The following PRKCA variants were observed in gnomAD, a reference collection of about 807,000 sequenced individuals.
PRKCA encodes protein kinase C alpha, also known as protein kinase C alpha type.
A neutral mutation model predicts 87.0 loss-of-function variants in PRKCA; 27 were observed. The observed-to-expected ratio is 0.31, with a 90% confidence interval of 0.23 to 0.43. The LOEUF is 0.43. Ranked by LOEUF, PRKCA falls within the 20% of genes least tolerant of loss-of-function variation. The pLI is 1.00. For synonymous variants in PRKCA, 329 were observed against 311.1 expected, an observed-to-expected ratio of 1.06 and a Z score of -0.61; for missense variants, 518 against 852.3, an observed-to-expected ratio of 0.61 and a Z score of 4.88.
At chr17:66,433,999 G>A (rs1326950511) in intron 2 of PRKCA, among the ~76,000 whole-genome samples, 1 of 152,066 alleles carries the variant, frequency 6.6e-6, no homozygotes, top group East Asian at 1.9e-4. Context: ...GAGCAGGTAG[G>A]GCGCACGGAG....
chr17:66,613,779 CTT>C (rs57610655), intron 3 of PRKCA, among the ~76,000 whole-genome samples: 1 of 69,384 alleles, frequency 1.4e-5, no homozygotes, highest in Non-Finnish European at 2.4e-5. Context: ...TGACTTCATC[CTT>C]TTTTTTTTTT....
chr17:66,740,371 A>C (rs1448559868), intron 11 of PRKCA, among the ~76,000 whole-genome samples: 1 of 152,106 alleles, frequency 6.6e-6, no homozygotes, highest in Non-Finnish European at 1.5e-5. Flanking sequence ...GCAAGCCTAA[A>C]CAAAGGGCGA....
At chr17:66,595,576 C>G (rs139339609) in intron 3 of PRKCA, among the ~76,000 whole-genome samples, 3 of 149,470 alleles carry the variant, frequency 2.0e-5, no homozygotes, top group African/African-American at 7.4e-5. Context: ...TCTCCTGCCT[C>G]AGCCTCCCAA....
chr17:66,545,395 C>T (rs1968119355), intron 3 of PRKCA, among the ~76,000 whole-genome samples: 3 of 152,196 alleles, frequency 2.0e-5, no homozygotes, highest in Admixed American at 1.3e-4. Context: ...TGCCACTGCA[C>T]TCCAGCCTGG....
chr17:66,786,009 T>C (rs1185508089), intron 14 of PRKCA, among the ~76,000 whole-genome samples: 4 of 152,192 alleles, frequency 2.6e-5, no homozygotes, highest in Non-Finnish European at 5.9e-5. Context: ...TTTGTATTTT[T>C]AGTAGAGACG....
chr17:66,577,299 C>A (rs1351371608), intron 3 of PRKCA, among the ~76,000 whole-genome samples: 1 of 152,184 alleles, frequency 6.6e-6, no homozygotes, highest in Non-Finnish European at 1.5e-5. Context: ...ATCTTTGCAT[C>A]CCTCTCTCAC....
rs966181293 is a variant in PRKCA at position 66,391,882 on chromosome 17, G to C, written c.205+85755G>C. 2.6e-5 allele frequency among the ~76,000 whole-genome samples: 4 copies of C among 152,192 alleles called. No homozygotes were observed. The South Asian group carries it at 8.3e-4, about 32-fold the overall frequency. The stretch of plus-strand genomic sequence containing the variant: ...TCCTCTTGCGCTAGATCATCGGAAA[G>C]TAGGCACCCCAACCCTAAATATTTC... On this transcript the variant is annotated intron_variant, in intron 2 of 16. Coordinates refer to ENST00000413366, the MANE Select transcript of PRKCA (RefSeq NM_002737.3).
chr17:66,318,896 A>G (rs1486187495), intron 2 of PRKCA, among the ~76,000 whole-genome samples: 4 of 152,020 alleles, frequency 2.6e-5, no homozygotes, highest in Non-Finnish European at 5.9e-5. Context: ...CTAAGTAGGC[A>G]GATTGCTTGA....
chr17:66,665,999 T>A (rs555779307), intron 5 of PRKCA, among the ~76,000 whole-genome samples: 44 of 152,272 alleles, frequency 2.9e-4, no homozygotes, highest in African/African-American at 1.0e-3. Context: ...CCAATTCCAA[T>A]GTAGTCCTGA....
rs578090615 is a variant in PRKCA, at chr17:66,806,536, G to T, written c.*2499G>T. The T allele has an allele frequency of 3.2e-4, 49 of 152,390 alleles. No individual in the cohort carries two copies. Among genetic ancestry groups the T allele is most frequent in the Admixed American group, 1.2e-3 (18 of 15,294 alleles). The allele number at this position is 152,390 out of a possible 1,614,324, so 9.4% of individuals were successfully genotyped here. ...TATAGAAAGAGCCTAGGAGACAAAA[G>T]GGCCAGTCCCCCTGCCCAGAATGGA... is the stretch of plus-strand genomic sequence containing the variant. On this transcript the variant is annotated 3_prime_UTR_variant, in exon 17 of 17. Transcript: ENST00000413366.
intron 2 of PRKCA, among the ~76,000 whole-genome samples, chr17:66,461,910 T>G (rs1413129075): frequency 6.6e-6 from 1 of 152,022 alleles, no homozygotes; most frequent in Non-Finnish European, 1.5e-5. Context: ...AGGAGGAGAC[T>G]GGGGTTCCTA....
At chr17:66,547,727 TA>T (rs1335436698) in intron 3 of PRKCA, among the ~76,000 whole-genome samples, 1 of 152,118 alleles carries the variant, frequency 6.6e-6, no homozygotes, top group Non-Finnish European at 1.5e-5. Context: ...CCAGATGCCT[TA>T]AAAAAATAGG....
At chr17:66,550,535 G>C (rs1034178210) in intron 3 of PRKCA, among the ~76,000 whole-genome samples, 1 of 152,120 alleles carries the variant, frequency 6.6e-6, no homozygotes, top group African/African-American at 2.4e-5. Flanking sequence ...TGTAGTCTCA[G>C]CTACTCGGGA....
At chr17:66,462,979 T>G (rs2143976189) in intron 2 of PRKCA, among the ~76,000 whole-genome samples, 1 of 151,190 alleles carries the variant, frequency 6.6e-6, no homozygotes, top group East Asian at 1.9e-4. Context: ...TATGAGTCAC[T>G]GACTGGCAAT....
At chr17:66,718,046 G>C (rs775022291) in intron 8 of PRKCA, among the ~76,000 whole-genome samples, 24 of 152,176 alleles carry the variant, frequency 1.6e-4, no homozygotes, top group Non-Finnish European at 3.2e-4. Flanking sequence ...TTGGGGGACT[G>C]ACTTACTAAG....
At position 66,584,057 on chromosome 17, in the gene PRKCA, G is replaced by A. The variant is rs1969523729; in HGVS notation, c.289-57298G>A. On this transcript the variant is annotated intron_variant, in intron 3 of 16. Coordinates refer to ENST00000413366, the MANE Select transcript of PRKCA (RefSeq NM_002737.3). ...AATCATCACGTTGGGACACAAATCC[G>A]AGTCCTGTCTGTCCTTTGCATTCTT... 2.0e-5 allele frequency among the ~76,000 whole-genome samples: 3 copies of A among 152,100 alleles called. No homozygotes were observed. The South Asian group carries it at 6.2e-4, about 32-fold the overall frequency.
At chr17:66,548,356 C>T (rs1202156355) in intron 3 of PRKCA, among the ~76,000 whole-genome samples, 1 of 152,180 alleles carries the variant, frequency 6.6e-6, no homozygotes, top group East Asian at 1.9e-4. Flanking sequence ...AGAAAGTCAT[C>T]TCCTGCCGCC....
At chr17:66,393,142 T>G (rs1000531710) in intron 2 of PRKCA, among the ~76,000 whole-genome samples, 46 of 152,054 alleles carry the variant, frequency 3.0e-4, no homozygotes, top group African/African-American at 1.1e-3. Context: ...TGGTGGGAAG[T>G]GGTGGGGAGG....
chr17:66,711,620 G>C (rs947488766), intron 8 of PRKCA, among the ~76,000 whole-genome samples: 1 of 152,122 alleles, frequency 6.6e-6, no homozygotes. Context: ...GCCTGTGTTC[G>C]TAATTAAAAT....
Sources: allele counts gnomAD v4.1 joint callset (sites outside exome capture counted in the v4.1 genomes callset), GRCh38; gene constraint gnomAD v4.1.1; transcripts MANE v1.5; gene names NCBI Gene and HGNC (gene_info 2026-07-23, HGNC 2026-07-21).